The following PSMA3 variants were observed in gnomAD, a reference collection of about 807,000 sequenced individuals.
PSMA3 encodes proteasome subunit alpha type-3.
PSMA3 carries 8 observed loss-of-function variants against 40.0 expected under a neutral mutation model. The ratio of observed to expected loss-of-function variants is 0.20; its 90% CI spans 0.12 to 0.36. PSMA3 has a LOEUF of 0.36. Among genes scored for constraint, PSMA3 ranks in the 10% least tolerant of loss-of-function variants. The pLI is 1.00. For missense variants in PSMA3, 219 were observed against 310.6 expected, an observed-to-expected ratio of 0.70 and a Z score of 2.22; for synonymous variants, 110 against 100.0, an observed-to-expected ratio of 1.10 and a Z score of -0.59.
At chr14:58,249,533 C>T (rs1889956062) in intron 2 of PSMA3, among the ~76,000 whole-genome samples, 1 of 151,712 alleles carries the variant, frequency 6.6e-6, no homozygotes, top group Non-Finnish European at 1.5e-5. Context: ...GGGGGCAGGA[C>T]ATAGGATCTC....
chr14:58,253,204 C>T (rs962777251), intron 3 of PSMA3, among the ~76,000 whole-genome samples: 23 of 152,064 alleles, frequency 1.5e-4, no homozygotes, highest in Non-Finnish European at 3.1e-4. Context: ...AGGCTGGTCT[C>T]GAACTCCTGA....
At chr14:58,259,301 T>C (rs2140088293) in intron 5 of PSMA3, among the ~76,000 whole-genome samples, 1 of 152,246 alleles carries the variant, frequency 6.6e-6, no homozygotes, top group East Asian at 1.9e-4. Flanking sequence ...CTTTTTTTCA[T>C]AACTTTTTTT....
At chr14:58,262,681 G>A (rs556517707) in intron 6 of PSMA3, among the ~76,000 whole-genome samples, 3 of 151,184 alleles carry the variant, frequency 2.0e-5, no homozygotes, top group Admixed American at 2.0e-4. Flanking sequence ...TTGTGCCTCA[G>A]CCTCTCAAGT....
chr14:58,267,447 G>T, intron 7 of PSMA3, 27 bp from the exon 8 acceptor site: 1 of 1,502,310 alleles, frequency 6.7e-7, no homozygotes, highest in South Asian at 1.4e-5. Context: ...TTCTTCTGAT[G>T]AACAGTATAC....
At chr14:58,271,327 CT>C (rs60528514) in intron 10 of PSMA3, among the ~76,000 whole-genome samples, 1,091 of 102,354 alleles carry the variant, frequency 0.011, 4 homozygotes, top group African/African-American at 0.038. Context: ...AATATTTGTT[CT>C]TTTTTTTTTT....
rs371042969 is a variant in PSMA3, at chr14:58,251,286, T to TTG, written c.105-819_105-818dup. Among the ~76,000 whole-genome samples the TTG allele has an allele frequency of 1.1e-4, 17 of 151,908 alleles. No individual in the cohort carries two copies. The East Asian group carries it at 1.2e-3, about 10-fold the overall frequency. On this transcript the variant is annotated intron_variant, in intron 2 of 10. Transcript: ENST00000216455. ...TAATTTCTCCACATTTTACTTGAGG[T>TTG]TGTGTGTGTGTGTGTTTGAGACAGG...
intron 8 of PSMA3, 104 bp downstream of exon 8, chr14:58,267,624 G>C: frequency 7.6e-7 from 1 of 1,307,286 alleles, no homozygotes; most frequent in Non-Finnish European, 9.8e-7. Context: ...AAATAACTTA[G>C]TGTATAATTT....
rs1318453805 is a variant in PSMA3, at chr14:58,270,203, A to G, written c.591-215A>G. 3 of 642,968 alleles carry G rather than the reference A, an allele frequency of 4.7e-6. No individual in the cohort carries two copies. In the East Asian group the frequency reaches 1.1e-4, roughly 24 times the overall value. The allele number at this position is 642,968 out of a possible 1,614,324, so 39.8% of individuals were successfully genotyped here. On this transcript the variant is annotated intron_variant, in intron 8 of 10. Transcript: ENST00000216455. ...AACTGAACTTGGGTTGATTAGGTAT[A>G]TTCAACATTTGTCGGGAGAGTAGAT...
intron 3 of PSMA3, 74 bp from the exon 4 acceptor site, chr14:58,257,671 A>T: frequency 7.6e-7 from 1 of 1,323,992 alleles, no homozygotes; most frequent in South Asian, 1.3e-5. Context: ...AATGTTTAAT[A>T]AGTCTTTATT....
chr14:58,262,564 CA>C (rs1480468933), intron 6 of PSMA3, among the ~76,000 whole-genome samples: 46 of 124,298 alleles, frequency 3.7e-4, no homozygotes, highest in African/African-American at 1.3e-3. Flanking sequence ...AAATTATTAC[CA>C]TTTTTTTTTT....
At chr14:58,250,992 GA>G (rs1276890687) in intron 2 of PSMA3, among the ~76,000 whole-genome samples, 1 of 152,058 alleles carries the variant, frequency 6.6e-6, no homozygotes, top group Non-Finnish European at 1.5e-5. Flanking sequence ...CCAAAACAGA[GA>G]AGTTGTGCCG....
intron 3 of PSMA3, among the ~76,000 whole-genome samples, chr14:58,257,385 C>T (rs1890169214): frequency 6.6e-6 from 1 of 151,902 alleles, no homozygotes; most frequent in African/African-American, 2.4e-5. Context: ...GTAGTCCCAG[C>T]TACTCAGGAG....
At chr14:58,261,780 G>A (rs1890288361) in intron 6 of PSMA3, among the ~76,000 whole-genome samples, 1 of 151,886 alleles carries the variant, frequency 6.6e-6, no homozygotes, top group Non-Finnish European at 1.5e-5. Flanking sequence ...GCTAATTTTT[G>A]TATTTTTTTG....
At chr14:58,269,295 T>C (rs1488330598) in intron 8 of PSMA3, among the ~76,000 whole-genome samples, 1 of 152,166 alleles carries the variant, frequency 6.6e-6, no homozygotes, top group Non-Finnish European at 1.5e-5. Flanking sequence ...TGCTGTAATT[T>C]GTAAGGTACT....
intron 5 of PSMA3, among the ~76,000 whole-genome samples, chr14:58,258,655 G>A (rs534634645): frequency 2.0e-5 from 3 of 151,894 alleles, no homozygotes; most frequent in African/African-American, 7.3e-5. Context: ...ATATTTTATT[G>A]TGGGGTAAAG....
At chr14:58,257,888 G>A (rs769718366) in intron 4 of PSMA3, 37 bp from the exon 5 acceptor site, 3 of 1,612,460 alleles carry the variant, frequency 1.9e-6, no homozygotes, top group Non-Finnish European at 2.5e-6. Flanking sequence ...GACAGTAATA[G>A]AAGTTTATTA....
chr14:58,254,871 C>G (rs1018485450), intron 3 of PSMA3, among the ~76,000 whole-genome samples: 1 of 152,150 alleles, frequency 6.6e-6, no homozygotes, highest in Non-Finnish European at 1.5e-5. Context: ...TTGGCACATA[C>G]AGTTGTTGTG....
chr14:58,249,746 T>C (rs1889962893), intron 2 of PSMA3, among the ~76,000 whole-genome samples: 1 of 152,144 alleles, frequency 6.6e-6, no homozygotes, highest in Non-Finnish European at 1.5e-5. Flanking sequence ...GCCCAAGTGA[T>C]CCGCCTGCTT....
intron 1 of PSMA3, 110 bp from the exon 2 acceptor site, chr14:58,247,640 C>T (rs1889909653): frequency 1.5e-6 from 1 of 679,466 alleles, no homozygotes. Flanking sequence ...AAAGCAAGGT[C>T]TTTGTTGGGA....
Sources: gnomAD v4.1 joint callset for allele counts (sites outside exome capture counted in the v4.1 genomes callset) on GRCh38, gnomAD v4.1.1 for gene constraint, MANE v1.5 for transcripts, NCBI Gene and HGNC (gene_info 2026-07-23, HGNC 2026-07-21) for gene names.